Variants in FSIP1 observed in about 807,000 individuals in gnomAD.
FSIP1 encodes the protein fibrous sheath interacting protein 1.
Under a neutral mutation model 60.9 loss-of-function variants are expected in FSIP1, and 65 were observed. That is an observed-to-expected ratio of 1.07 (90% CI 0.87 to 1.31). The LOEUF (loss-of-function observed/expected upper bound fraction) is 1.31. FSIP1 is among the 40% of genes most tolerant of loss of function. FSIP1 has a pLI of 0.00. For missense variants in FSIP1, 675 were observed against 665.5 expected, an observed-to-expected ratio of 1.01 and a Z score of -0.16; for synonymous variants, 209 against 221.2, an observed-to-expected ratio of 0.94 and a Z score of 0.49.
chr15:39,607,920 G>A (rs1220577433), intron 11 of FSIP1, among the ~76,000 whole-genome samples: 1 of 152,158 alleles, frequency 6.6e-6, no homozygotes, highest in Admixed American at 6.5e-5. Flanking sequence ...AGCCAAACAC[G>A]CAGCAACTCC....
In FSIP1 at chr15:39,676,436, C is replaced by G. The variant is rs568505024; in HGVS notation, c.1188+37008G>C. 2.0e-5 allele frequency among the ~76,000 whole-genome samples: 3 copies of G among 152,212 alleles called. No individual in the cohort carries two copies. The South Asian group carries it at 6.2e-4, about 32-fold the overall frequency. On this transcript the variant is annotated intron_variant, in intron 10 of 11. Coordinates refer to ENST00000350221, the MANE Select transcript of FSIP1 (RefSeq NM_152597.5). The stretch of plus-strand genomic sequence containing the variant: ...GCTCCTAAATTAGAAGCCAGAGGAG[C>G]CTGGCAGCCTTCACATGTGAGAAAC...
intron 10 of FSIP1, among the ~76,000 whole-genome samples, chr15:39,672,410 T>A (rs951547379): frequency 1.3e-5 from 2 of 152,196 alleles, no homozygotes; most frequent in Non-Finnish European, 2.9e-5. Flanking sequence ...CACTATTGAC[T>A]GTCTCTCCCT....
chr15:39,721,256 C>T (rs924168005), intron 9 of FSIP1, among the ~76,000 whole-genome samples: 2 of 152,244 alleles, frequency 1.3e-5, no homozygotes, highest in Non-Finnish European at 2.9e-5. Flanking sequence ...TACCAACTTA[C>T]TACCTTATAG....
chr15:39,688,100 AAGT>A (rs1894455430), intron 10 of FSIP1, among the ~76,000 whole-genome samples: 1 of 152,210 alleles, frequency 6.6e-6, no homozygotes, highest in Non-Finnish European at 1.5e-5. Context: ...TACAAAGTAG[AAGT>A]AGACAGACTA....
intron 10 of FSIP1, among the ~76,000 whole-genome samples, chr15:39,706,089 G>A (rs1235208874): frequency 6.6e-6 from 1 of 151,962 alleles, no homozygotes; most frequent in Non-Finnish European, 1.5e-5. Flanking sequence ...GAATTAAATG[G>A]GTTAATATTA....
intron 10 of FSIP1, among the ~76,000 whole-genome samples, chr15:39,671,478 T>A (rs528587352): frequency 6.6e-6 from 1 of 152,198 alleles, no homozygotes; most frequent in Admixed American, 6.5e-5. Context: ...TTAATTTGGT[T>A]ATATTTTAAA....
In FSIP1 at chr15:39,726,720, C is replaced by G. The variant is rs760130134; in HGVS notation, c.919G>C (p.Val307Leu). 1.2e-6 allele frequency: 2 copies of G among 1,614,074 alleles called. No homozygotes were observed. Among genetic ancestry groups the G allele is most frequent in the East Asian group, 4.5e-5 (2 of 44,862 alleles). ...GTGACTGCAAGTTCATATCCTTTTA[C>G]TGGGACCACCCAGCCAGACTGATCA... ...EGDQSGWVVPVKGYELAVTQH... is the reference protein window; with the variant it reads ...EGDQSGWVVPLKGYELAVTQH... Residue 307 changes from valine to leucine, a missense_variant, in exon 9 of 12, where the codon GTA (valine) becomes CTA (leucine). Physicochemically the swap from Val to Leu is conservative, Grantham distance 32. Transcript: ENST00000350221.
chr15:39,623,547 G>A (rs527352050), intron 10 of FSIP1, among the ~76,000 whole-genome samples: 18 of 152,242 alleles, frequency 1.2e-4, no homozygotes, highest in East Asian at 1.2e-3. Context: ...ACATTCCACC[G>A]TTTGCTTAAT....
At chr15:39,682,201 T>A (rs16969560) in intron 10 of FSIP1, among the ~76,000 whole-genome samples, 4,911 of 152,304 alleles carry the variant, frequency 0.032, 256 homozygotes, top group African/African-American at 0.11. Flanking sequence ...TGCAGATACT[T>A]ATGTCTTAAA....
At chr15:39,627,730 G>A (rs1891701209) in intron 10 of FSIP1, among the ~76,000 whole-genome samples, 1 of 152,232 alleles carries the variant, frequency 6.6e-6, no homozygotes, top group Non-Finnish European at 1.5e-5. Flanking sequence ...CTAGCAAGCA[G>A]TAGTCAGGTC....
intron 2 of FSIP1, among the ~76,000 whole-genome samples, chr15:39,774,021 T>A (rs976094676): frequency 6.6e-6 from 1 of 152,234 alleles, no homozygotes; most frequent in African/African-American, 2.4e-5. Flanking sequence ...TGTATGTGAC[T>A]TTTTTTAACT....
chr15:39,713,924 T>C (rs1205088573), intron 9 of FSIP1, among the ~76,000 whole-genome samples: 3 of 152,172 alleles, frequency 2.0e-5, no homozygotes, highest in Admixed American at 6.5e-5. Flanking sequence ...TTCAAGTTTA[T>C]CATGTATAAA....
chr15:39,691,411 A>C (rs1894594194), intron 10 of FSIP1, among the ~76,000 whole-genome samples: 1 of 152,216 alleles, frequency 6.6e-6, no homozygotes, highest in South Asian at 2.1e-4. Context: ...GTGTAAGAAG[A>C]AGCAGTGTGC....
chr15:39,764,501 G>C (rs1307003799), intron 4 of FSIP1, among the ~76,000 whole-genome samples: 2 of 152,156 alleles, frequency 1.3e-5, no homozygotes, highest in Non-Finnish European at 2.9e-5. Context: ...CCAGAAGTCA[G>C]TCAACTGTTC....
At chr15:39,729,947 T>C (rs1896340152) in intron 8 of FSIP1, among the ~76,000 whole-genome samples, 1 of 152,160 alleles carries the variant, frequency 6.6e-6, no homozygotes, top group African/African-American at 2.4e-5. Flanking sequence ...CTATTCTTAT[T>C]ACCAGGATGA....
intron 10 of FSIP1, among the ~76,000 whole-genome samples, chr15:39,624,300 C>A (rs535432485): frequency 6.6e-6 from 1 of 152,314 alleles, no homozygotes; most frequent in Non-Finnish European, 1.5e-5. Context: ...CTATAGTCAA[C>A]TACAAGATTA....
At chr15:39,730,182 G>C (rs533736413) in intron 8 of FSIP1, among the ~76,000 whole-genome samples, 24 of 152,180 alleles carry the variant, frequency 1.6e-4, no homozygotes, top group African/African-American at 5.8e-4. Context: ...GGATTCTATA[G>C]ATGAAGTAGG....
intron 9 of FSIP1, among the ~76,000 whole-genome samples, chr15:39,717,718 A>G (rs1895795768): frequency 6.6e-6 from 1 of 152,210 alleles, no homozygotes; most frequent in African/African-American, 2.4e-5. Flanking sequence ...ATGGCCCCAT[A>G]GGCACACCGA....
intron 8 of FSIP1, among the ~76,000 whole-genome samples, chr15:39,730,899 C>T (rs1442489730): frequency 6.6e-6 from 1 of 152,180 alleles, no homozygotes; most frequent in African/African-American, 2.4e-5. Context: ...ATGTTTATGG[C>T]TGCCTGGACA....
Sources: gnomAD v4.1 joint callset for allele counts (sites outside exome capture counted in the v4.1 genomes callset) on GRCh38, gnomAD v4.1.1 for gene constraint, MANE v1.5 for transcripts, NCBI Gene and HGNC (gene_info 2026-07-23, HGNC 2026-07-21) for gene names.